The following THSD7B variants were observed in gnomAD, a reference collection of about 807,000 sequenced individuals.
THSD7B encodes thrombospondin type-1 domain-containing protein 7B.
THSD7B carries 138 observed loss-of-function variants against 213.6 expected under a neutral mutation model. The ratio of observed to expected loss-of-function variants is 0.65; its 90% CI spans 0.56 to 0.74. THSD7B has a LOEUF of 0.74. THSD7B is among the 30% of genes least tolerant of loss of function. The probability of loss-of-function intolerance (pLI) is 0.00; values close to 1 mark genes in which losing one functional copy is unlikely to be tolerated. For synonymous variants in THSD7B, 742 were observed against 687.0 expected, an observed-to-expected ratio of 1.08 and a Z score of -1.25; for missense variants, 1,931 against 1,991.5, an observed-to-expected ratio of 0.97 and a Z score of 0.58.
chr2:136,860,093 C>A (rs1683236919), intron 1 of THSD7B, among the ~76,000 whole-genome samples: 1 of 147,806 alleles, frequency 6.8e-6, no homozygotes, highest in Non-Finnish European at 1.5e-5. Flanking sequence ...TCTCGGCGCA[C>A]TACAAGCTCT....
chr2:137,476,799 C>A (rs1234459158), intron 15 of THSD7B, among the ~76,000 whole-genome samples: 1 of 152,146 alleles, frequency 6.6e-6, no homozygotes, highest in Non-Finnish European at 1.5e-5. Flanking sequence ...TTCGACCTCC[C>A]AAAGTGCTGG....
chr2:136,851,933 C>CTATATATATA (rs35929047), intron 1 of THSD7B, among the ~76,000 whole-genome samples: 1 of 148,050 alleles, frequency 6.8e-6, no homozygotes, highest in Non-Finnish European at 1.5e-5. Context: ...CAATACACAA[C>CTATATATATA]TATATATATA....
At chr2:137,252,266 C>CAAAAAAAAAAAAAAAAAAAA (rs1182130976) in intron 10 of THSD7B, among the ~76,000 whole-genome samples, 1 of 59,688 alleles carries the variant, frequency 1.7e-5, no homozygotes, top group Non-Finnish European at 2.8e-5. Flanking sequence ...GACTCTGTCT[C>CAAAAAAAAAAAAAAAAAAAA]AAAAAAAAAA....
intron 20 of THSD7B, among the ~76,000 whole-genome samples, chr2:137,623,585 A>G (rs996590980): frequency 2.7e-4 from 41 of 152,294 alleles, no homozygotes; most frequent in African/African-American, 8.9e-4. Flanking sequence ...AAACCCCATC[A>G]TCTCAGCCCA....
chr2:137,457,777 T>G lies in THSD7B; in HGVS notation c.3138+6754T>G, dbSNP rs1365022704. On this transcript the variant is annotated intron_variant, in intron 15 of 27. Transcript: ENST00000409968. ...AAGAATAAGAATCTGACTGTATGTG[T>G]GTAAATTTTTTATACTAAATGTACC... Among the ~76,000 whole-genome samples the G allele has an allele frequency of 2.0e-5, 3 of 152,206 alleles. No homozygotes were observed. The South Asian group carries it at 6.2e-4, about 32-fold the overall frequency.
chr2:137,412,524 G>GT (rs1442694047), intron 14 of THSD7B, among the ~76,000 whole-genome samples: 1 of 148,766 alleles, frequency 6.7e-6, no homozygotes, highest in African/African-American at 2.5e-5. Context: ...TTGAACCCGG[G>GT]GGGCAGAGGT....
At chr2:136,802,026 C>G (rs1269003526) in intron 1 of THSD7B, among the ~76,000 whole-genome samples, 2 of 151,946 alleles carry the variant, frequency 1.3e-5, no homozygotes, top group East Asian at 3.9e-4. Flanking sequence ...GTGTGGTTTC[C>G]GAACAGTTAA....
intron 12 of THSD7B, among the ~76,000 whole-genome samples, chr2:137,392,298 T>C (rs1458229607): frequency 6.6e-6 from 1 of 152,216 alleles, no homozygotes; most frequent in Non-Finnish European, 1.5e-5. Context: ...TCCATTGTTT[T>C]TTGTTGCTTT....
chr2:137,301,286 G>T (rs912971049), intron 12 of THSD7B, among the ~76,000 whole-genome samples: 1 of 151,952 alleles, frequency 6.6e-6, no homozygotes, highest in Admixed American at 6.6e-5. Context: ...TTTGCTTTTG[G>T]CTCTTTCTGG....
At chr2:137,486,708 C>A (rs1363783580) in intron 15 of THSD7B, among the ~76,000 whole-genome samples, 1 of 152,148 alleles carries the variant, frequency 6.6e-6, no homozygotes, top group Non-Finnish European at 1.5e-5. Context: ...CAGCACCACA[C>A]CACACCTATT....
chr2:136,769,010 T>C (rs1681458380), intron 1 of THSD7B, among the ~76,000 whole-genome samples: 1 of 152,216 alleles, frequency 6.6e-6, no homozygotes, highest in Non-Finnish European at 1.5e-5. Context: ...GTGGGGTCTG[T>C]AGTTTAACAG....
chr2:137,605,648 CTTTTTTTTTTTTTTTTTTTTTTTT>C (rs34604281), intron 17 of THSD7B, among the ~76,000 whole-genome samples: 16,414 of 69,298 alleles, frequency 0.24, 1,491 homozygotes, highest in South Asian at 0.37. Flanking sequence ...GCACTTCGCA[CTTTTTTTTTTTTTTTTTTTTTTTT>C]TTTTTTTTTT....
chr2:136,819,099 G>C (rs536633379), intron 1 of THSD7B, among the ~76,000 whole-genome samples: 8 of 152,134 alleles, frequency 5.3e-5, no homozygotes, highest in Non-Finnish European at 1.2e-4. Context: ...GGATCCTCCA[G>C]TGTCAACAGT....
chr2:137,340,722 C>T (rs1684743660), intron 12 of THSD7B, among the ~76,000 whole-genome samples: 1 of 151,758 alleles, frequency 6.6e-6, no homozygotes, highest in South Asian at 2.1e-4. Context: ...GCATGATGCT[C>T]TCCAGTTCCA....
chr2:137,093,478 A>C (rs1199429885), intron 3 of THSD7B, among the ~76,000 whole-genome samples: 1 of 152,218 alleles, frequency 6.6e-6, no homozygotes. Context: ...TGAAAATTTA[A>C]CAATTGGCTC....
chr2:137,472,013 G>A (rs992625193), intron 15 of THSD7B, among the ~76,000 whole-genome samples: 2 of 152,174 alleles, frequency 1.3e-5, no homozygotes, highest in Non-Finnish European at 2.9e-5. Context: ...AAAGGGCTTA[G>A]TTCTTAGATG....
At chr2:137,142,498 A>G (rs956240447) in intron 5 of THSD7B, among the ~76,000 whole-genome samples, 2 of 152,310 alleles carry the variant, frequency 1.3e-5, no homozygotes, top group South Asian at 2.1e-4. Flanking sequence ...AAACCGTAGC[A>G]AGAAGACTTT....
chr2:137,663,626 T>C, intron 26 of THSD7B, 51 bp downstream of exon 26: 2 of 1,466,402 alleles, frequency 1.4e-6, no homozygotes, highest in Non-Finnish European at 1.8e-6. Context: ...GGGAGGTCTA[T>C]ATTTTGACCA....
At chr2:137,513,350 T>G (rs546810956) in intron 15 of THSD7B, among the ~76,000 whole-genome samples, 89 of 152,284 alleles carry the variant, frequency 5.8e-4, no homozygotes, top group African/African-American at 2.1e-3. Flanking sequence ...TACATTGCTA[T>G]AGGATTGATA....
Sources: gnomAD v4.1 joint callset for allele counts (sites outside exome capture counted in the v4.1 genomes callset) on GRCh38, gnomAD v4.1.1 for gene constraint, MANE v1.5 for transcripts, NCBI Gene and HGNC (gene_info 2026-07-23, HGNC 2026-07-21) for gene names.